Variants in FANCE observed in about 807,000 individuals in gnomAD.
The protein encoded by FANCE is FA complementation group E, also known as Fanconi anemia group E protein.
In FANCE, 42 loss-of-function variants were observed where a neutral mutation model predicts 57.8. The ratio of observed to expected loss-of-function variants is 0.73; its 90% CI spans 0.57 to 0.94. The LOEUF (loss-of-function observed/expected upper bound fraction) is 0.94, where lower values mean the gene tolerates loss of function less well. Among genes scored for constraint, FANCE ranks in the 40% least tolerant of loss-of-function variants. FANCE has a pLI of 0.00. For synonymous variants in FANCE, 251 were observed against 286.4 expected (o/e 0.88, Z 1.25); for missense variants, 608 against 661.8 (o/e 0.92, Z 0.89).
chr6:35,465,056 G>A lies in FANCE; in HGVS notation c.1510-1188G>A, dbSNP rs536335156. On this transcript the variant is annotated intron_variant, in intron 9 of 9. Coordinates refer to ENST00000229769, the MANE Select transcript of FANCE (RefSeq NM_021922.3). ...GCCTGAGAGATATTCTTATTATTCC[G>A]TTTCATAGATCAGAAAATTGAGACT... Among the ~76,000 whole-genome samples the A allele has an allele frequency of 1.1e-4, 17 of 151,956 alleles. No homozygotes were observed. The East Asian group carries it at 2.5e-3, about 23-fold the overall frequency.
chr6:35,458,840 G>A (rs1165804636), intron 5 of FANCE, among the ~76,000 whole-genome samples: 1 of 152,064 alleles, frequency 6.6e-6, no homozygotes, highest in East Asian at 1.9e-4. Context: ...GAGTGCAGTG[G>A]TGCAATCTTG....
intron 9 of FANCE, 25 bp downstream of exon 9, chr6:35,462,939 C>T (rs1767651325): frequency 6.2e-7 from 1 of 1,613,764 alleles, no homozygotes; most frequent in Non-Finnish European, 8.5e-7. Context: ...GGCCTTGGGG[C>T]TGGTCCTGCT....
chr6:35,455,931 G>C lies in FANCE; in HGVS notation c.433G>C (p.Gly145Arg). Residue 145 changes from glycine (G) to arginine (R), a missense_variant, in exon 2 of 10, where the codon GGG becomes CGG. Physicochemically the swap from Gly to Arg is moderately radical, Grantham distance 125. Coordinates refer to ENST00000229769, the MANE Select transcript of FANCE (RefSeq NM_021922.3). ...GGGGGAATTGCTGCGAAGGGATTTG[G>C]GGGTGGGGACCTCCATGGAGGGAGC... Reference protein sequence around the residue: ...ALGELLRRDLGVGTSMEGASP... With the variant: ...ALGELLRRDLRVGTSMEGASP... 1 of 1,614,114 alleles carries C rather than the reference G, an allele frequency of 6.2e-7. No individual in the cohort carries two copies. The highest frequency in any genetic ancestry group is 8.5e-7 in the Non-Finnish European group (1 of 1,180,014).
chr6:35,462,683 G>T (rs1767639311), intron 8 of FANCE, 106 bp from the exon 9 acceptor site: 2 of 1,499,582 alleles, frequency 1.3e-6, no homozygotes, highest in Admixed American at 1.8e-5. Flanking sequence ...CCTGCCCAGG[G>T]TCACCTAGCT....
chr6:35,452,833 CG>C, intron 1 of FANCE, 40 bp downstream of exon 1: 9 of 1,286,670 alleles, frequency 7.0e-6, no homozygotes, highest in South Asian at 4.7e-5. Context: ...GTATGGGAGG[CG>C]GGGGGCTGTC....
intron 9 of FANCE, 63 bp downstream of exon 9, chr6:35,462,977 G>C: frequency 1.2e-6 from 2 of 1,609,460 alleles, no homozygotes; most frequent in Non-Finnish European, 1.7e-6. Flanking sequence ...CCTGCCACAA[G>C]GGTGTATGAA....
intron 9 of FANCE, 70 bp from the exon 10 acceptor site, chr6:35,466,174 C>A: frequency 1.0e-6 from 1 of 957,584 alleles, no homozygotes; most frequent in Non-Finnish European, 1.7e-6. Context: ...CTCAATAGAG[C>A]CCCTGGGGTA....
chr6:35,452,448 G>C lies in FANCE; in HGVS notation c.-98G>C, dbSNP rs1767139754. On this transcript the variant is annotated 5_prime_UTR_variant, in exon 1 of 10. Transcript: ENST00000229769. ...CAGGCGCTGGAGCTGGCCCGCCACCGCCGCGTCAGGGACGGCGCTGGAGTC... is the reference window on the plus strand; with the variant it reads ...CAGGCGCTGGAGCTGGCCCGCCACCCCCGCGTCAGGGACGGCGCTGGAGTC... 1 of 1,158,294 alleles carries C rather than the reference G, an allele frequency of 8.6e-7. No homozygotes were observed. Among genetic ancestry groups the C allele is most frequent in the Middle Eastern group, 3.3e-4 (1 of 3,006 alleles). 71.8% of individuals were successfully genotyped at this position (1,158,294 alleles called of 1,614,324 possible). A position where few individuals can be genotyped will look rare whatever the true frequency, so the allele number is the denominator to read the frequency against.
Position 35,452,769 on chromosome 6 carries a change from A to G in FANCE, c.224A>G (p.Gln75Arg), listed in dbSNP as rs1309426375. The change falls in exon 1 of 10, where the codon CAG becomes CGG. Residue 75 changes from glutamine (Q) to arginine (R), a missense_variant. Transcript: ENST00000229769. ...CTGTGCCGGGAGGAGCCGGTCGTGC[A>G]GGGGCCTGACGGCCGTCTGGAGCTG... The part of the protein sequence containing the change: ...EALCREEPVV[Q>R]GPDGRLELKP... The G allele has an allele frequency of 4.6e-6, 6 of 1,291,666 alleles. No homozygotes were observed. Among genetic ancestry groups the G allele is most frequent in the Non-Finnish European group, 5.9e-6 (6 of 1,015,244 alleles). 80.0% of individuals were successfully genotyped at this position (1,291,666 alleles called of 1,614,324 possible).
At chr6:35,465,342 T>G (rs1767789687) in intron 9 of FANCE, among the ~76,000 whole-genome samples, 1 of 151,910 alleles carries the variant, frequency 6.6e-6, no homozygotes, top group Non-Finnish European at 1.5e-5. Flanking sequence ...CCCAGCTAGT[T>G]TTTGTATTTT....
chr6:35,464,234 CTTTTTTTTTT>C (rs71002563), intron 9 of FANCE, among the ~76,000 whole-genome samples: 1 of 73,006 alleles, frequency 1.4e-5, no homozygotes, highest in Non-Finnish European at 2.7e-5. Context: ...ACAGGGTCTT[CTTTTTTTTTT>C]TTTTTTTTTT....
At chr6:35,458,201 T>A in intron 4 of FANCE, 96 bp from the exon 5 acceptor site, 2 of 1,535,176 alleles carry the variant, frequency 1.3e-6, no homozygotes, top group Non-Finnish European at 1.8e-6. Flanking sequence ...GGAGTATCTT[T>A]GCCCTGCTCT....
chr6:35,452,585 G>T lies in FANCE; in HGVS notation c.40G>T (p.Val14Leu), dbSNP rs1222720585. 2 of 1,327,902 alleles carry T rather than the reference G, an allele frequency of 1.5e-6. No individual in the cohort carries two copies. The highest frequency in any genetic ancestry group is 1.9e-6 in the Non-Finnish European group (2 of 1,035,546). 82.3% of individuals were successfully genotyped at this position (1,327,902 alleles called of 1,614,324 possible). A position where few individuals can be genotyped will look rare whatever the true frequency, so the allele number is the denominator to read the frequency against. ...CGCGGGGCTCCCTGGGGCTGAGGGCGTGGAGCCGGCGCCCTGGGCGCAGCT... is the reference window on the plus strand; with the variant it reads ...CGCGGGGCTCCCTGGGGCTGAGGGCTTGGAGCCGGCGCCCTGGGCGCAGCT... ...PDAGLPGAEG[V>L]EPAPWAQLEA... The change falls in exon 1 of 10, where the codon GTG becomes TTG. Residue 14 changes from valine to leucine, a missense_variant. By Grantham distance (32) the Val-to-Leu change is conservative. Coordinates refer to ENST00000229769, the MANE Select transcript of FANCE (RefSeq NM_021922.3).
rs747040808 is a variant in FANCE at position 35,459,475 on chromosome 6, A to AG, written c.1237+23dup. 25 of 1,613,614 alleles carry AG rather than the reference A, an allele frequency of 1.5e-5. No individual in the cohort carries two copies. In the African/African-American group the frequency reaches 2.9e-4, roughly 19 times the overall value. On this transcript the variant is annotated intron_variant, in intron 6 of 9. Transcript: ENST00000229769. The stretch of plus-strand genomic sequence containing the variant: ...CACAGGTAATTCTGGAACCAGCCCC[A>AG]GGCCCAGTAGCTCTGCCCTCAGTGT...
In FANCE at chr6:35,466,251, A is replaced by G. The variant is rs766291860; in HGVS notation, c.1517A>G (p.Glu506Gly). 8.7e-6 allele frequency: 14 copies of G among 1,609,536 alleles called. No homozygotes were observed. The highest frequency in any genetic ancestry group is 1.6e-4 in the Middle Eastern group (1 of 6,078). ...VMTKYQANIT[E>G]TQRLGLAMAL... ...ATTTTTCCTTCTCCCCAGATCACTGAGACCCAGAGGCTGGGCCTGGCTATG... is the reference window on the plus strand; with the variant it reads ...ATTTTTCCTTCTCCCCAGATCACTGGGACCCAGAGGCTGGGCCTGGCTATG... Residue 506 changes from glutamate to glycine, a missense_variant, in exon 10 of 10, where the codon GAG (glutamate) becomes GGG (glycine). Coordinates refer to ENST00000229769, the MANE Select transcript of FANCE (RefSeq NM_021922.3).
In FANCE at chr6:35,460,631, C is replaced by T. The variant is rs1383554109; in HGVS notation, c.1383+13C>T. ...CCTAGAGCGGCAGGTGAGCAGGCTG[C>T]CCTGGGGAAGAGTGGACAAAGAAGT... On this transcript the variant is annotated intron_variant, in intron 8 of 9. Coordinates refer to ENST00000229769, the MANE Select transcript of FANCE (RefSeq NM_021922.3). 3 of 1,612,622 alleles carry T rather than the reference C, an allele frequency of 1.9e-6. No individual in the cohort carries two copies. The African/African-American group carries it at 4.0e-5, about 22-fold the overall frequency.
rs1767496251 is a variant in FANCE, at chr6:35,459,408, T to G, written c.1191T>G (p.Pro397=). The G allele has an allele frequency of 2.5e-6, 4 of 1,614,178 alleles. No homozygotes were observed. Among genetic ancestry groups the G allele is most frequent in the African/African-American group, 1.3e-5 (1 of 75,044 alleles). Residue 397 remains proline (P), a synonymous_variant, in exon 6 of 10, where the codon CCT becomes CCG. Transcript: ENST00000229769. ...CCTTCTGTGCCAAATATACATACCC[T>G]GTCTGCAGCGCCCTCCTTGACCCTG... is the stretch of plus-strand genomic sequence containing the variant. ...LTSFCAKYTY[P]VCSALLDPVL...
intron 8 of FANCE, among the ~76,000 whole-genome samples, 190 bp downstream of exon 8, chr6:35,460,808 G>A (rs1318046322): frequency 1.3e-5 from 2 of 152,156 alleles, no homozygotes; most frequent in South Asian, 2.1e-4. Flanking sequence ...TGAGCACATG[G>A]TCACTTCAGC....
intron 7 of FANCE, 122 bp from the exon 8 acceptor site, chr6:35,460,430 T>G: frequency 1.0e-6 from 1 of 963,108 alleles, no homozygotes; most frequent in Non-Finnish European, 1.7e-6. Flanking sequence ...ACTACCCCTT[T>G]GTTGGCTGGG....
Sources: allele counts gnomAD v4.1 joint callset (sites outside exome capture counted in the v4.1 genomes callset), GRCh38; gene constraint gnomAD v4.1.1; transcripts MANE v1.5; gene names NCBI Gene and HGNC (gene_info 2026-07-23, HGNC 2026-07-21).